The following MXI1 variants were observed in gnomAD, a reference collection of about 807,000 sequenced individuals.
MXI1 encodes MAX interactor 1, dimerization protein.
MXI1 carries 18 observed loss-of-function variants against 36.9 expected under a neutral mutation model. That is an observed-to-expected ratio of 0.49 (90% CI 0.34 to 0.72). The LOEUF (loss-of-function observed/expected upper bound fraction) is 0.72. Among genes scored for constraint, MXI1 ranks in the 30% least tolerant of loss-of-function variants. MXI1 has a pLI of 0.01. For missense variants in MXI1, 304 were observed against 379.1 expected, an observed-to-expected ratio of 0.80 and a Z score of 1.64; for synonymous variants, 160 against 146.7, an observed-to-expected ratio of 1.09 and a Z score of -0.65.
rs375986415 is a variant in MXI1, at chr10:110,279,168, T to C, written c.438-12T>C. ...ACCAGACTGTGCTGATTTGACTTTT[T>C]GTCTTTCTTAGACGAGCTCATCTGC... On this transcript the variant is annotated splice_polypyrimidine_tract_variant and intron_variant, in intron 3 of 5. Coordinates refer to ENST00000332674, the MANE Select transcript of MXI1 (RefSeq NM_130439.3). 2 of 1,604,410 alleles carry C rather than the reference T, an allele frequency of 1.2e-6. No homozygotes were observed. Among genetic ancestry groups the C allele is most frequent in the African/African-American group, 1.3e-5 (1 of 74,648 alleles).
intron 2 of MXI1, among the ~76,000 whole-genome samples, chr10:110,233,068 G>A (rs1855331102): frequency 6.6e-6 from 1 of 152,184 alleles, no homozygotes; most frequent in Admixed American, 6.5e-5. Flanking sequence ...AATCTGGGAA[G>A]TAGTAAATAG....
At chr10:110,273,972 C>T (rs756092237) in intron 3 of MXI1, among the ~76,000 whole-genome samples, 1 of 152,106 alleles carries the variant, frequency 6.6e-6, no homozygotes, top group African/African-American at 2.4e-5. Context: ...GAGTTTGTTC[C>T]GAAAGGGTAT....
intron 5 of MXI1, among the ~76,000 whole-genome samples, chr10:110,282,537 C>T (rs902090351): frequency 2.6e-5 from 4 of 152,180 alleles, no homozygotes; most frequent in African/African-American, 7.2e-5. Context: ...TGCTAACTAG[C>T]GGAAACCTCT....
chr10:110,248,132 G>A (rs1855942508), intron 3 of MXI1, among the ~76,000 whole-genome samples: 2 of 152,112 alleles, frequency 1.3e-5, no homozygotes, highest in African/African-American at 4.8e-5. Flanking sequence ...ACTCATAGGT[G>A]GGAATTGAAC....
At chr10:110,278,701 G>GGTGT (rs368265649) in intron 3 of MXI1, among the ~76,000 whole-genome samples, 55 of 116,022 alleles carry the variant, frequency 4.7e-4, no homozygotes, top group Middle Eastern at 3.7e-3. Context: ...AGAGAGGTAG[G>GGTGT]GTGTGTGTGT....
chr10:110,210,422 A>C, intron 1 of MXI1: 2 of 385,160 alleles, frequency 5.2e-6, no homozygotes, highest in Non-Finnish European at 7.1e-6. Context: ...TTGGCTCTAA[A>C]TGACGTGATG....
chr10:110,282,908 G>A, intron 5 of MXI1, among the ~76,000 whole-genome samples: 1 of 152,070 alleles, frequency 6.6e-6, no homozygotes, highest in Admixed American at 6.5e-5. Context: ...AAACTCCTGG[G>A]CTCAAGCAAT....
At chr10:110,251,387 A>AGATAC (rs1856080603) in intron 3 of MXI1, among the ~76,000 whole-genome samples, 1 of 152,148 alleles carries the variant, frequency 6.6e-6, no homozygotes, top group African/African-American at 2.4e-5. Context: ...ATGAAGTATA[A>AGATAC]GATACCCTAT....
intron 2 of MXI1, among the ~76,000 whole-genome samples, chr10:110,232,558 A>G (rs968187010): frequency 1.3e-5 from 2 of 152,154 alleles, no homozygotes; most frequent in African/African-American, 2.4e-5. Flanking sequence ...TTCGTGTCCT[A>G]TTCACTGGAT....
At position 110,264,723 on chromosome 10, in the gene MXI1, T is replaced by C. The variant is rs1856631366; in HGVS notation, c.438-14457T>C. On this transcript the variant is annotated intron_variant, in intron 3 of 5. Coordinates refer to ENST00000332674, the MANE Select transcript of MXI1 (RefSeq NM_130439.3). ...ACTTCATCCAGATGAAGATTTCTTA[T>C]GTAGATTAATTTACTCAGGCAAATT... Among the ~76,000 whole-genome samples the C allele has an allele frequency of 3.3e-5, 5 of 152,330 alleles. No individual in the cohort carries two copies. In the South Asian group the frequency reaches 1.0e-3, roughly 32 times the overall value.
At chr10:110,214,418 C>T (rs891855396) in intron 1 of MXI1, among the ~76,000 whole-genome samples, 3 of 152,088 alleles carry the variant, frequency 2.0e-5, no homozygotes, top group East Asian at 3.8e-4. Context: ...AACACCACCC[C>T]CCTCCTGCTG....
chr10:110,209,254 G>A (rs1169908684), intron 1 of MXI1, among the ~76,000 whole-genome samples: 1 of 152,134 alleles, frequency 6.6e-6, no homozygotes, highest in Non-Finnish European at 1.5e-5. Context: ...CAGATAGGGG[G>A]AAACCGGGAT....
intron 1 of MXI1, chr10:110,226,373 G>T: frequency 7.4e-7 from 1 of 1,351,696 alleles, no homozygotes; most frequent in Non-Finnish European, 9.5e-7. Flanking sequence ...ACGCGTGTGA[G>T]GTGCGCGCAT....
chr10:110,220,833 A>G (rs1854785742), intron 1 of MXI1, among the ~76,000 whole-genome samples: 1 of 152,262 alleles, frequency 6.6e-6, no homozygotes, highest in Non-Finnish European at 1.5e-5. Context: ...ACAGTGCTTC[A>G]AAACAATAAC....
intron 1 of MXI1, among the ~76,000 whole-genome samples, chr10:110,215,978 A>G (rs1160545948): frequency 6.6e-6 from 1 of 152,174 alleles, no homozygotes; most frequent in African/African-American, 2.4e-5. Context: ...AAAGGAAGCA[A>G]TTGTCTCTGA....
chr10:110,260,121 A>G (rs769938123), intron 3 of MXI1, among the ~76,000 whole-genome samples: 1 of 152,070 alleles, frequency 6.6e-6, no homozygotes, highest in Non-Finnish European at 1.5e-5. Context: ...AATCCAACAC[A>G]GATGGCCCTT....
chr10:110,264,938 T>A (rs900553858), intron 3 of MXI1, among the ~76,000 whole-genome samples: 1 of 152,192 alleles, frequency 6.6e-6, no homozygotes, highest in African/African-American at 2.4e-5. Context: ...GTTAAAAATT[T>A]TTTTTTTTTC....
At chr10:110,213,992 G>A (rs984959926) in intron 1 of MXI1, among the ~76,000 whole-genome samples, 1 of 152,234 alleles carries the variant, frequency 6.6e-6, no homozygotes, top group East Asian at 1.9e-4. Flanking sequence ...ACAACCTTCT[G>A]ATGGATGCAA....
intron 3 of MXI1, among the ~76,000 whole-genome samples, chr10:110,255,964 A>G (rs1856274403): frequency 6.6e-6 from 1 of 152,220 alleles, no homozygotes; most frequent in South Asian, 2.1e-4. Context: ...TGACCAAAGA[A>G]CAGACTTACT....
Sources: allele counts gnomAD v4.1 joint callset (sites outside exome capture counted in the v4.1 genomes callset), GRCh38; gene constraint gnomAD v4.1.1; transcripts MANE v1.5; gene names NCBI Gene and HGNC (gene_info 2026-07-23, HGNC 2026-07-21).